The following MAST2 variants were observed in gnomAD, a reference collection of about 807,000 sequenced individuals.
MAST2 encodes the protein microtubule associated serine/threonine kinase 2.
Under a neutral mutation model 147.4 loss-of-function variants are expected in MAST2, and 70 were observed. The observed-to-expected ratio is 0.47, with a 90% confidence interval of 0.39 to 0.58. The LOEUF (loss-of-function observed/expected upper bound fraction) is 0.58. Among genes scored for constraint, MAST2 ranks in the 20% least tolerant of loss-of-function variants. The pLI, the probability that MAST2 is intolerant of heterozygous loss-of-function variation, is 0.00. For synonymous variants in MAST2, 869 were observed against 896.8 expected (o/e 0.97, Z 0.55); for missense variants, 2,080 against 2,302.3 (o/e 0.90, Z 1.98).
Position 45,834,937 on chromosome 1 carries a change from CCTGT to C in MAST2, c.468+5359_468+5362del, listed in dbSNP as rs1486234004. Among the ~76,000 whole-genome samples, 66 of 152,010 alleles carry C rather than the reference CCTGT, an allele frequency of 4.3e-4. 1 individual carries two copies. The highest frequency in any genetic ancestry group is 2.0e-4 in the Admixed American group (3 of 15,276). On this transcript the variant is annotated intron_variant, in intron 3 of 28. Coordinates refer to ENST00000361297, the MANE Select transcript of MAST2 (RefSeq NM_015112.3). ...CAAGCCAGTTCTTCCTTGTTCATTC[CCTGT>C]CTTTTTTTTTTTCCATAATTGAAAT...
chr1:45,937,961 C>T (rs1048050916), intron 4 of MAST2, among the ~76,000 whole-genome samples: 18 of 152,100 alleles, frequency 1.2e-4, no homozygotes, highest in Admixed American at 7.8e-4. Context: ...TTACTTGTAC[C>T]CACCTGTAGT....
intron 4 of MAST2, among the ~76,000 whole-genome samples, chr1:45,952,178 C>A (rs1659024941): frequency 6.6e-6 from 1 of 152,186 alleles, no homozygotes; most frequent in Middle Eastern, 3.2e-3. Context: ...AACCCAAATA[C>A]CTTGTCATTT....
chr1:46,020,427 C>T (rs1230107107), intron 11 of MAST2, among the ~76,000 whole-genome samples: 2 of 152,014 alleles, frequency 1.3e-5, no homozygotes, highest in Non-Finnish European at 2.9e-5. Context: ...TGGAGGGTGT[C>T]GGGTTCTCGG....
At chr1:45,919,744 A>C (rs992082343) in intron 4 of MAST2, among the ~76,000 whole-genome samples, 1 of 151,698 alleles carries the variant, frequency 6.6e-6, no homozygotes, top group African/African-American at 2.4e-5. Flanking sequence ...CTCAGAACAC[A>C]CAACCTGGAG....
At chr1:45,847,033 C>A in intron 3 of MAST2, 1 of 358,250 alleles carries the variant, frequency 2.8e-6, no homozygotes, top group Non-Finnish European at 5.7e-6. Context: ...TCATTTGATT[C>A]ATCGTTTAGT....
chr1:45,837,905 A>G (rs1386459789), intron 3 of MAST2, among the ~76,000 whole-genome samples: 1 of 152,094 alleles, frequency 6.6e-6, no homozygotes, highest in Non-Finnish European at 1.5e-5. Flanking sequence ...CAGCCTCTCA[A>G]GTAGCTGAAA....
At chr1:45,817,364 A>G (rs1461450974) in intron 1 of MAST2, among the ~76,000 whole-genome samples, 3 of 152,196 alleles carry the variant, frequency 2.0e-5, no homozygotes, top group South Asian at 2.1e-4. Flanking sequence ...TGGAGCTTCA[A>G]TATGTCTGGG....
chr1:45,955,968 G>A (rs1282497114), intron 4 of MAST2, among the ~76,000 whole-genome samples: 1 of 152,152 alleles, frequency 6.6e-6, no homozygotes, highest in Non-Finnish European at 1.5e-5. Context: ...TGAAGATAAT[G>A]AACAGATCTA....
At chr1:45,930,596 T>C (rs1490908760) in intron 4 of MAST2, among the ~76,000 whole-genome samples, 3 of 152,152 alleles carry the variant, frequency 2.0e-5, no homozygotes, top group South Asian at 2.1e-4. Flanking sequence ...AAAGGGATGC[T>C]TTTTATTTCA....
In MAST2 at chr1:45,832,282, GTTTTC is replaced by G. The variant is rs555216009; in HGVS notation, c.468+2715_468+2719del. On this transcript the variant is annotated intron_variant, in intron 3 of 28. Transcript: ENST00000361297. ...TCTGGGGTTAGTCACAAGCATCTGT[GTTTTC>G]TTTTCTTTTCTTTCTTTCTTTTTTT... Among the ~76,000 whole-genome samples the G allele has an allele frequency of 7.5e-3, 1,140 of 151,396 alleles. 15 individuals carry two copies. The highest frequency in any genetic ancestry group is 0.026 in the African/African-American group (1,075 of 41,240).
chr1:45,819,582 C>G (rs369494393), intron 1 of MAST2, among the ~76,000 whole-genome samples: 1 of 151,774 alleles, frequency 6.6e-6, no homozygotes, highest in African/African-American at 2.4e-5. Flanking sequence ...CTGAAAAAAT[C>G]AAAAAAGTAA....
At chr1:45,845,431 T>C (rs922676615) in intron 3 of MAST2, among the ~76,000 whole-genome samples, 3 of 152,224 alleles carry the variant, frequency 2.0e-5, no homozygotes, top group African/African-American at 4.8e-5. Context: ...TTAGTTGATA[T>C]CCAGTTAACC....
chr1:46,018,775 G>C (rs1200066063), intron 10 of MAST2, among the ~76,000 whole-genome samples: 2 of 152,134 alleles, frequency 1.3e-5, no homozygotes, highest in Non-Finnish European at 2.9e-5. Flanking sequence ...GTGGCTCCTA[G>C]AAACCAGAGC....
In MAST2 at chr1:46,031,539, G is replaced by C; in HGVS notation, c.3141G>C (p.Val1047=). Residue 1047 remains valine, a synonymous_variant, in exon 24 of 29, where the codon GTG becomes GTC. Coordinates refer to ENST00000361297, the MANE Select transcript of MAST2 (RefSeq NM_015112.3). This position sits in a 1 kb window ranked among gnomAD's most constrained non-coding sequence, Gnocchi z 4.1. ...EKRTARPVNK[V]IKSASATALS... ...GCACTGCTCGCCCTGTCAACAAAGTGATCAAGTCCGCCTCAGCCACAGCCC... is the reference window on the plus strand; with the variant it reads ...GCACTGCTCGCCCTGTCAACAAAGTCATCAAGTCCGCCTCAGCCACAGCCC... 6.2e-7 allele frequency: 1 copy of C among 1,614,122 alleles called. No individual in the cohort carries two copies. The highest frequency in any genetic ancestry group is 1.7e-4 in the Middle Eastern group (1 of 6,060).
intron 1 of MAST2, among the ~76,000 whole-genome samples, chr1:45,811,112 A>G (rs1016998175): frequency 6.6e-6 from 1 of 151,400 alleles, no homozygotes; most frequent in Non-Finnish European, 1.5e-5. Flanking sequence ...CGGCCTCTCA[A>G]AGTGTTGGGA....
At chr1:45,984,143 G>A (rs1009632205) in intron 5 of MAST2, among the ~76,000 whole-genome samples, 4 of 151,972 alleles carry the variant, frequency 2.6e-5, no homozygotes, top group African/African-American at 9.7e-5. Flanking sequence ...CTCTTCATTA[G>A]GTTCCAAGAA....
intron 5 of MAST2, among the ~76,000 whole-genome samples, chr1:45,975,061 G>GTCTA (rs1644079080): frequency 6.6e-6 from 1 of 152,130 alleles, no homozygotes; most frequent in Admixed American, 6.5e-5. Flanking sequence ...CCAGCAGGAT[G>GTCTA]TCTACCCCAC....
intron 3 of MAST2, among the ~76,000 whole-genome samples, chr1:45,835,967 C>G (rs973807735): frequency 3.3e-5 from 5 of 152,142 alleles, no homozygotes; most frequent in Admixed American, 3.3e-4. Flanking sequence ...GAATAAGATT[C>G]TGTTGTATGG....
intron 5 of MAST2, among the ~76,000 whole-genome samples, chr1:45,978,206 A>C (rs1025459747): frequency 2.0e-5 from 3 of 152,172 alleles, no homozygotes; most frequent in African/African-American, 7.2e-5. Context: ...ATTTACTCTC[A>C]TTAGTAATTA....
Sources: gnomAD v4.1 joint callset for allele counts (sites outside exome capture counted in the v4.1 genomes callset) on GRCh38, gnomAD v4.1.1 for gene constraint, Gnocchi (gnomAD v3.1) non-coding constraint, MANE v1.5 for transcripts, NCBI Gene and HGNC (gene_info 2026-07-23, HGNC 2026-07-21) for gene names.